ZNF438: variants seen among roughly 807,000 people sequenced by gnomAD.
The protein encoded by ZNF438 is zinc finger protein 438.
ZNF438 carries 25 observed loss-of-function variants against 38.0 expected under a neutral mutation model. That is an observed-to-expected ratio of 0.66 (90% CI 0.48 to 0.92). The LOEUF (loss-of-function observed/expected upper bound fraction) is 0.92. Among genes scored for constraint, ZNF438 ranks in the 40% least tolerant of loss-of-function variants. The probability of loss-of-function intolerance (pLI) is 0.00; values close to 1 mark genes in which losing one functional copy is unlikely to be tolerated. For missense variants in ZNF438, 1,007 were observed against 999.6 expected (o/e 1.01, Z -0.10); for synonymous variants, 372 against 364.1 (o/e 1.02, Z -0.25).
intron 1 of ZNF438, among the ~76,000 whole-genome samples, chr10:31,028,382 C>T (rs1494113): frequency 0.75 from 113,828 of 152,142 alleles, 43,212 homozygotes; most frequent in African/African-American, 0.83. Flanking sequence ...TTCAAAAGGA[C>T]AGTCAAATAT....
intron 1 of ZNF438, among the ~76,000 whole-genome samples, chr10:30,970,695 T>G (rs77132480): frequency 0.079 from 12,085 of 152,240 alleles, 574 homozygotes; most frequent in Non-Finnish European, 0.11. Flanking sequence ...GAGTTCCTAT[T>G]GCAGCGTCTT....
intron 1 of ZNF438, among the ~76,000 whole-genome samples, chr10:30,964,972 G>A (rs746882352): frequency 1.3e-5 from 2 of 152,114 alleles, no homozygotes; most frequent in Non-Finnish European, 2.9e-5. Context: ...AAGAGCTTTT[G>A]CACAGCAAAA....
At chr10:30,959,884 C>G (rs1368973326) in intron 1 of ZNF438, among the ~76,000 whole-genome samples, 1 of 147,442 alleles carries the variant, frequency 6.8e-6, no homozygotes, top group Admixed American at 6.8e-5. Flanking sequence ...TAACAATTTA[C>G]ATTCCTACCA....
At chr10:30,962,680 T>C (rs2049625890) in intron 1 of ZNF438, among the ~76,000 whole-genome samples, 1 of 147,406 alleles carries the variant, frequency 6.8e-6, no homozygotes, top group Non-Finnish European at 1.5e-5. Flanking sequence ...TTTACAAAAA[T>C]ACAGTGTGAG....
intron 2 of ZNF438, among the ~76,000 whole-genome samples, chr10:30,915,159 T>C (rs1036007770): frequency 5.3e-5 from 8 of 152,022 alleles, no homozygotes; most frequent in Non-Finnish European, 1.2e-4. Flanking sequence ...AAAAAAGCAA[T>C]ATGAAAGGAT....
chr10:30,848,151 A>G (rs994608805), intron 5 of ZNF438, among the ~76,000 whole-genome samples: 3 of 152,162 alleles, frequency 2.0e-5, no homozygotes, highest in Non-Finnish European at 4.4e-5. Flanking sequence ...GGGTCTGGGC[A>G]CCTTAAGGTA....
rs115310694 is a variant in ZNF438 at position 30,880,718 on chromosome 10, C to A, written c.-31-3653G>T. ...AGAAAAGATTCCTATGTCCCAATAT[C>A]CCTCATAAGCACAGATGCAAAAGTA... On this transcript the variant is annotated intron_variant, in intron 3 of 5. Coordinates refer to ENST00000413025, the Ensembl canonical transcript of ZNF438. 7.8e-3 allele frequency among the ~76,000 whole-genome samples: 1,185 copies of A among 152,146 alleles called. 20 individuals are homozygous for A. The highest frequency in any genetic ancestry group is 0.027 in the African/African-American group (1,121 of 41,522).
intron 1 of ZNF438, among the ~76,000 whole-genome samples, chr10:31,012,655 A>G (rs2055819544): frequency 6.6e-6 from 1 of 151,672 alleles, no homozygotes; most frequent in Non-Finnish European, 1.5e-5. Flanking sequence ...GCATACACCA[A>G]CTCTGTTCTT....
intron 3 of ZNF438, among the ~76,000 whole-genome samples, chr10:30,894,529 C>T (rs1487233238): frequency 1.3e-5 from 2 of 151,930 alleles, no homozygotes; most frequent in African/African-American, 4.8e-5. Context: ...TGGAGGACAG[C>T]GATCAGGGCT....
chr10:30,904,314 G>C (rs901760988), intron 3 of ZNF438, among the ~76,000 whole-genome samples: 1 of 152,180 alleles, frequency 6.6e-6, no homozygotes, highest in Non-Finnish European at 1.5e-5. Flanking sequence ...CCAAAGTCCA[G>C]TGTCTGGGAG....
At chr10:30,954,669 G>A (rs1167980495) in intron 1 of ZNF438, among the ~76,000 whole-genome samples, 1 of 151,964 alleles carries the variant, frequency 6.6e-6, no homozygotes, top group African/African-American at 2.4e-5. Flanking sequence ...GACTCAGTAT[G>A]AAAGAAAAAA....
chr10:30,961,930 T>C (rs1178442125), intron 1 of ZNF438, among the ~76,000 whole-genome samples: 1 of 146,258 alleles, frequency 6.8e-6, no homozygotes, highest in East Asian at 1.9e-4. Flanking sequence ...TTTTGGTACT[T>C]TCTAAACAAA....
At chr10:31,004,986 G>A (rs1345419347) in intron 1 of ZNF438, among the ~76,000 whole-genome samples, 1 of 152,184 alleles carries the variant, frequency 6.6e-6, no homozygotes, top group Non-Finnish European at 1.5e-5. Context: ...GTGTGAAAAA[G>A]AGAAACCTCA....
At chr10:30,967,954 C>A (rs2050310488) in intron 1 of ZNF438, among the ~76,000 whole-genome samples, 1 of 152,060 alleles carries the variant, frequency 6.6e-6, no homozygotes, top group South Asian at 2.1e-4. Flanking sequence ...TGCTGCTGCC[C>A]AGTTATGTGA....
intron 1 of ZNF438, among the ~76,000 whole-genome samples, chr10:30,981,659 T>C (rs978270425): frequency 6.6e-6 from 1 of 152,054 alleles, no homozygotes; most frequent in Non-Finnish European, 1.5e-5. Context: ...AGGGGGATCA[T>C]GAGATCAGGA....
chr10:30,879,281 A>G (rs970489559), intron 3 of ZNF438, among the ~76,000 whole-genome samples: 1 of 152,202 alleles, frequency 6.6e-6, no homozygotes, highest in Non-Finnish European at 1.5e-5. Context: ...AGTAGGGGGG[A>G]ATACTTAATT....
intron 1 of ZNF438, among the ~76,000 whole-genome samples, chr10:30,985,111 T>C (rs1277049608): frequency 2.0e-5 from 3 of 152,180 alleles, no homozygotes; most frequent in Non-Finnish European, 4.4e-5. Flanking sequence ...GTAACCCATT[T>C]CTAAATGTAC....
chr10:30,951,620 G>T (rs1335588069), intron 1 of ZNF438, among the ~76,000 whole-genome samples: 1 of 152,150 alleles, frequency 6.6e-6, no homozygotes, highest in African/African-American at 2.4e-5. Flanking sequence ...CAAACAGAGA[G>T]CCAAATCATG....
intron 2 of ZNF438, among the ~76,000 whole-genome samples, chr10:30,925,000 C>T (rs912335100): frequency 6.6e-6 from 1 of 152,094 alleles, no homozygotes; most frequent in South Asian, 2.1e-4. Context: ...TGTTGCTGCT[C>T]GTCTATAGAA....
Sources: gnomAD v4.1 joint callset for allele counts (sites outside exome capture counted in the v4.1 genomes callset) on GRCh38, gnomAD v4.1.1 for gene constraint, MANE v1.5 for transcripts, NCBI Gene and HGNC (gene_info 2026-07-23, HGNC 2026-07-21) for gene names.